PCDHGC4: variants seen among roughly 807,000 people sequenced by gnomAD.
PCDHGC4 encodes protocadherin gamma subfamily C, 4, also known as protocadherin gamma-C4.
PCDHGC4 carries 15 observed loss-of-function variants against 59.7 expected under a neutral mutation model. The observed-to-expected ratio is 0.25, with a 90% CI of 0.17 to 0.39. The LOEUF is 0.39. Ranked by LOEUF, PCDHGC4 falls within the 10% of genes least tolerant of loss-of-function variation. The probability of loss-of-function intolerance (pLI) is 1.00; values close to 1 mark genes in which losing one functional copy is unlikely to be tolerated. For synonymous variants in PCDHGC4, 434 were observed against 481.4 expected, an observed-to-expected ratio of 0.90 and a Z score of 1.29; for missense variants, 1,016 against 1,189.5, an observed-to-expected ratio of 0.85 and a Z score of 2.15.
chr5:141,505,583 T>A, intron 3 of PCDHGC4, 102 bp downstream of exon 3: 1 of 1,583,650 alleles, frequency 6.3e-7, no homozygotes, highest in Non-Finnish European at 8.6e-7. Context: ...ACCTGTGTAG[T>A]TTCTCCAGAT....
chr5:141,507,113 C>G (rs1401559943), intron 3 of PCDHGC4: 1 of 152,220 alleles, frequency 6.6e-6, no homozygotes, highest in Non-Finnish European at 1.5e-5. Context: ...GGGACCATGG[C>G]TGCCTTTGGA....
intron 1 of PCDHGC4, among the ~76,000 whole-genome samples, chr5:141,488,713 C>A (rs1165389103): frequency 6.6e-6 from 1 of 152,184 alleles, no homozygotes; most frequent in Non-Finnish European, 1.5e-5. Context: ...CTGGTTCAAG[C>A]AAAGTGGTGG....
chr5:141,509,586 T>A (rs2154594569), intron 3 of PCDHGC4, among the ~76,000 whole-genome samples: 1 of 152,302 alleles, frequency 6.6e-6, no homozygotes, highest in East Asian at 1.9e-4. Flanking sequence ...ACAAATCAGC[T>A]GGCAATTCCG....
At chr5:141,500,184 T>A (rs889800014) in intron 2 of PCDHGC4, among the ~76,000 whole-genome samples, 89 of 135,966 alleles carry the variant, frequency 6.5e-4, no homozygotes, top group African/African-American at 2.4e-3. Flanking sequence ...TCATTTTTAT[T>A]TTTATTTATT....
intron 3 of PCDHGC4, among the ~76,000 whole-genome samples, chr5:141,509,636 C>T (rs1199892148): frequency 6.6e-6 from 1 of 152,164 alleles, no homozygotes; most frequent in Non-Finnish European, 1.5e-5. Context: ...TGATGCTGAG[C>T]CAGGGCCAGA....
rs771162532 is a variant in PCDHGC4, at chr5:141,491,756, C to A, written c.2443-3051C>A. On this transcript the variant is annotated intron_variant, in intron 1 of 3. Transcript: ENST00000306593. The surrounding 1 kb of genome is among the most constrained non-coding windows in gnomAD (Gnocchi z 6.9). ...CCTGGGGGCGGCACTGGAGAAGCCGCCCGTCCTCATAAGGGATTGAACTTG... is the reference window on the plus strand; with the variant it reads ...CCTGGGGGCGGCACTGGAGAAGCCGACCGTCCTCATAAGGGATTGAACTTG... The A allele has an allele frequency of 6.3e-7, 1 of 1,581,720 alleles. No individual in the cohort carries two copies. Among genetic ancestry groups the A allele is most frequent in the Middle Eastern group, 1.7e-4 (1 of 5,958 alleles).
chr5:141,488,748 T>C (rs2099679003), intron 1 of PCDHGC4, among the ~76,000 whole-genome samples: 1 of 152,270 alleles, frequency 6.6e-6, no homozygotes, highest in African/African-American at 2.4e-5. Flanking sequence ...ATGCAGGAAG[T>C]TGCTGGGACA....
rs759191157 is a variant in PCDHGC4, at chr5:141,485,768, C to T, written c.595C>T (p.Pro199Ser). Reference sequence around the variant, plus strand: ...GGTCCCAGAGCTGCTCCTGGAGAAGCCTTTGGATCGAGAGAAGCAATCGGA... The same window carrying T: ...GGTCCCAGAGCTGCTCCTGGAGAAGTCTTTGGATCGAGAGAAGCAATCGGA... ...SLVPELLLEKPLDREKQSDYR... is the reference protein window; with the variant it reads ...SLVPELLLEKSLDREKQSDYR... Residue 199 changes from proline (P) to serine (S), a missense_variant, in exon 1 of 4, where the codon CCT (proline) becomes TCT (serine). Transcript: ENST00000306593. This position sits in a 1 kb window ranked among gnomAD's most constrained non-coding sequence, Gnocchi z 5.7. The T allele has an allele frequency of 5.6e-6, 9 of 1,614,074 alleles. No individual in the cohort carries two copies. The highest frequency in any genetic ancestry group is 1.7e-5 in the Admixed American group (1 of 60,000).
In PCDHGC4 at chr5:141,489,307, T is replaced by A; in HGVS notation, c.2442+1692T>A. On this transcript the variant is annotated intron_variant, in intron 1 of 3. Transcript: ENST00000306593. The surrounding 1 kb of genome is among the most constrained non-coding windows in gnomAD (Gnocchi z 4.5). ...AGTGCTGTGCATGTTGTCCTTGTGCTGCTGGGGCTGGGTGTCTGGGCAGCT... is the reference window on the plus strand; with the variant it reads ...AGTGCTGTGCATGTTGTCCTTGTGCAGCTGGGGCTGGGTGTCTGGGCAGCT... The A allele has an allele frequency of 6.3e-7, 1 of 1,591,138 alleles. No individual in the cohort carries two copies. The highest frequency in any genetic ancestry group is 8.6e-7 in the Non-Finnish European group (1 of 1,168,222).
chr5:141,509,900 C>T (rs2099878860), intron 3 of PCDHGC4, among the ~76,000 whole-genome samples: 1 of 152,186 alleles, frequency 6.6e-6, no homozygotes, highest in Admixed American at 6.5e-5. Context: ...CTGTCCCTTC[C>T]AGCATGCGCT....
In PCDHGC4 at chr5:141,511,098, T is replaced by G; in HGVS notation, c.2742T>G (p.Ala914=). 6.2e-7 allele frequency: 1 copy of G among 1,614,132 alleles called. No individual in the cohort carries two copies. The highest frequency in any genetic ancestry group is 8.5e-7 in the Non-Finnish European group (1 of 1,179,996). ...PGSNATLTNA[A]GKRDGKAPAG... is the part of the protein sequence containing the mutation. The stretch of plus-strand genomic sequence containing the variant: ...GCAATGCCACACTGACCAACGCAGC[T>G]GGCAAGCGGGATGGCAAGGCCCCAG... Residue 914 remains alanine, a synonymous_variant, in exon 4 of 4, where the codon GCT becomes GCG. Transcript: ENST00000306593.
At position 141,487,570 on chromosome 5, in the gene PCDHGC4, T is replaced by A; in HGVS notation, c.2397T>A (p.Pro799=). 6.2e-7 allele frequency: 1 copy of A among 1,614,178 alleles called. No homozygotes were observed. Residue 799 remains proline (P), a synonymous_variant, in exon 1 of 4, where the codon CCT becomes CCA. Transcript: ENST00000306593. The surrounding 1 kb of genome is among the most constrained non-coding windows in gnomAD (Gnocchi z 5.0). ...KSPSAPMAGE[P]VRPSCPPSDL... ...CCAGTGCACCTATGGCAGGGGAGCCTGTTCGCCCAAGCTGCCCACCCTCTG... is the reference window on the plus strand; with the variant it reads ...CCAGTGCACCTATGGCAGGGGAGCCAGTTCGCCCAAGCTGCCCACCCTCTG...
chr5:141,485,434 G>A lies in PCDHGC4; in HGVS notation c.261G>A (p.Lys87=). The A allele has an allele frequency of 6.2e-7, 1 of 1,614,166 alleles. No individual in the cohort carries two copies. The highest frequency in any genetic ancestry group is 8.5e-7 in the Non-Finnish European group (1 of 1,180,018). The change falls in exon 1 of 4, where the codon AAG becomes AAA. Residue 87 remains lysine, a synonymous_variant. Coordinates refer to ENST00000306593, the MANE Select transcript of PCDHGC4 (RefSeq NM_018928.3). This position sits in a 1 kb window ranked among gnomAD's most constrained non-coding sequence, Gnocchi z 5.7. ...TGGACAGCGGAGCCCTGCTCATCAA[G>A]AACCCAATCGACCGAGAGGCACTGT... ...VDLDSGALLI[K]NPIDREALCG... is the part of the protein sequence containing the mutation.
rs1163950013 is a variant in PCDHGC4 at position 141,512,955 on chromosome 5, A to G, written c.*1782A>G. 2 of 152,234 alleles carry G rather than the reference A, an allele frequency of 1.3e-5. No homozygotes were observed. The highest frequency in any genetic ancestry group is 2.9e-5 in the Non-Finnish European group (2 of 68,046). The allele number at this position is 152,234 out of a possible 1,614,324, so 9.4% of individuals were successfully genotyped here. ...GCTTTTTTTCTTCGACAAAAAAATA[A>G]TAAAACGTTTCTTCTGAAAAGCTGA... On this transcript the variant is annotated 3_prime_UTR_variant, in exon 4 of 4. Coordinates refer to ENST00000306593, the MANE Select transcript of PCDHGC4 (RefSeq NM_018928.3).
chr5:141,491,641 C>T lies in PCDHGC4; in HGVS notation c.2443-3166C>T. Reference sequence around the variant, plus strand: ...CCTCAGCGTTCAGCAGCCCACAGCTCTGGCGCTGGAGCCTGACGCCATCCG... The same window carrying T: ...CCTCAGCGTTCAGCAGCCCACAGCTTTGGCGCTGGAGCCTGACGCCATCCG... On this transcript the variant is annotated intron_variant, in intron 1 of 3. Coordinates refer to ENST00000306593, the MANE Select transcript of PCDHGC4 (RefSeq NM_018928.3). The surrounding 1 kb of genome is among the most constrained non-coding windows in gnomAD (Gnocchi z 6.9). The T allele has an allele frequency of 6.2e-7, 1 of 1,613,896 alleles. No homozygotes were observed. Among genetic ancestry groups the T allele is most frequent in the Non-Finnish European group, 8.5e-7 (1 of 1,180,018 alleles).
chr5:141,486,474 C>G lies in PCDHGC4; in HGVS notation c.1301C>G (p.Pro434Arg). ...MVTASDAGNPPLSTHRTIFLN... is the reference protein window; with the variant it reads ...MVTASDAGNPRLSTHRTIFLN... ...ACTGCTTCTGATGCTGGGAACCCTC[C>G]TCTCAGTACCCACAGAACTATTTTC... The change falls in exon 1 of 4, where the codon CCT becomes CGT. Residue 434 changes from proline (P) to arginine (R), a missense_variant. Transcript: ENST00000306593. The surrounding 1 kb of genome is among the most constrained non-coding windows in gnomAD (Gnocchi z 5.0). The G allele has an allele frequency of 6.2e-7, 1 of 1,614,016 alleles. No individual in the cohort carries two copies. Among genetic ancestry groups the G allele is most frequent in the Non-Finnish European group, 8.5e-7 (1 of 1,179,822 alleles).
Position 141,489,828 on chromosome 5 carries a change from A to G in PCDHGC4, c.2442+2213A>G. The G allele has an allele frequency of 1.9e-6, 3 of 1,614,010 alleles. No homozygotes were observed. The highest frequency in any genetic ancestry group is 1.1e-5 in the South Asian group (1 of 91,080). ...GGAAGCCATTCCCAGAGCTGGTGCTAGAGCAGCAGCTGGATCGTGAAGCCC... is the reference window on the plus strand; with the variant it reads ...GGAAGCCATTCCCAGAGCTGGTGCTGGAGCAGCAGCTGGATCGTGAAGCCC... On this transcript the variant is annotated intron_variant, in intron 1 of 3. Transcript: ENST00000306593. The surrounding 1 kb of genome is among the most constrained non-coding windows in gnomAD (Gnocchi z 4.5).
intron 3 of PCDHGC4, chr5:141,506,988 A>G (rs1364718512): frequency 1.3e-5 from 2 of 152,192 alleles, no homozygotes; most frequent in Non-Finnish European, 2.9e-5. Context: ...CTGATTTCTC[A>G]CACTCGACAG....
At position 141,491,645 on chromosome 5, in the gene PCDHGC4, C is replaced by T; in HGVS notation, c.2443-3162C>T. On this transcript the variant is annotated intron_variant, in intron 1 of 3. Transcript: ENST00000306593. The surrounding 1 kb of genome is among the most constrained non-coding windows in gnomAD (Gnocchi z 6.9). ...AGCGTTCAGCAGCCCACAGCTCTGG[C>T]GCTGGAGCCTGACGCCATCCGGTCC... 1.2e-6 allele frequency: 2 copies of T among 1,613,890 alleles called. No homozygotes were observed. Among genetic ancestry groups the T allele is most frequent in the African/African-American group, 1.3e-5 (1 of 75,082 alleles).
Sources: allele counts gnomAD v4.1 joint callset (sites outside exome capture counted in the v4.1 genomes callset), GRCh38; gene constraint gnomAD v4.1.1; non-coding constraint Gnocchi (gnomAD v3.1); transcripts MANE v1.5; gene names NCBI Gene and HGNC (gene_info 2026-07-23, HGNC 2026-07-21).